The following LMBRD1 variants were observed in gnomAD, a reference collection of about 807,000 sequenced individuals.
The protein encoded by LMBRD1 is LMBR1 domain containing 1.
LMBRD1 carries 64 observed loss-of-function variants against 74.8 expected under a neutral mutation model. The ratio of observed to expected loss-of-function variants is 0.86; its 90% CI spans 0.70 to 1.05. The LOEUF is 1.05. LMBRD1 is among the 50% of genes least tolerant of loss of function. The probability of loss-of-function intolerance (pLI) is 0.00; values close to 1 mark genes in which losing one functional copy is unlikely to be tolerated. For missense variants in LMBRD1, 652 were observed against 645.9 expected (o/e 1.01, Z -0.10); for synonymous variants, 204 against 216.3 (o/e 0.94, Z 0.50).
At chr6:69,689,718 T>A (rs1765837476) in intron 14 of LMBRD1, among the ~76,000 whole-genome samples, 1 of 152,078 alleles carries the variant, frequency 6.6e-6, no homozygotes, top group Non-Finnish European at 1.5e-5. Context: ...TTTATCAGAG[T>A]AATATTATAT....
chr6:69,716,600 T>C (rs1460990935), intron 8 of LMBRD1, among the ~76,000 whole-genome samples: 2 of 152,180 alleles, frequency 1.3e-5, no homozygotes, highest in Non-Finnish European at 2.9e-5. Context: ...GATTTTGAAC[T>C]GAGATAGTCT....
At position 69,749,388 on chromosome 6, in the gene LMBRD1, C is replaced by A; in HGVS notation, c.426G>T (p.Lys142Asn). ...SKCTQIKTAL[K>N]YTLGFVVICA... ...AAATCACAACAAATCCCAAAGTATA[C>A]TTGAGTGCCGTTTTAATTTGCTAGA... is the stretch of plus-strand genomic sequence containing the variant. The change falls in exon 5 of 16, where the codon AAG becomes AAT. Residue 142 changes from lysine to asparagine, a missense_variant. This residue lies in a region of LMBRD1 where 598 missense variants were observed against 581.8 expected (regional missense o/e 1.03). Coordinates refer to ENST00000649934, the MANE Select transcript of LMBRD1 (RefSeq NM_018368.4). 1 of 1,611,454 alleles carries A rather than the reference C, an allele frequency of 6.2e-7. No individual in the cohort carries two copies. Among genetic ancestry groups the A allele is most frequent in the Non-Finnish European group, 8.5e-7 (1 of 1,178,906 alleles).
chr6:69,727,814 T>A (rs1367590804), intron 7 of LMBRD1, among the ~76,000 whole-genome samples: 1 of 152,186 alleles, frequency 6.6e-6, no homozygotes, highest in East Asian at 1.9e-4. Context: ...CCTTTAACAT[T>A]TCCTTATAGG....
chr6:69,760,584 T>C (rs953844241), intron 3 of LMBRD1, among the ~76,000 whole-genome samples: 3 of 152,218 alleles, frequency 2.0e-5, no homozygotes, highest in South Asian at 4.1e-4. Flanking sequence ...TTTGCAAGAC[T>C]GCTGTGGTAG....
intron 7 of LMBRD1, among the ~76,000 whole-genome samples, chr6:69,730,239 C>G (rs916862944): frequency 6.6e-6 from 1 of 152,024 alleles, no homozygotes; most frequent in Admixed American, 6.6e-5. Context: ...TAGAAGGGCA[C>G]GTTTTCTTTA....
intron 7 of LMBRD1, among the ~76,000 whole-genome samples, chr6:69,731,137 A>G (rs1766846129): frequency 6.6e-6 from 1 of 152,202 alleles, no homozygotes; most frequent in East Asian, 1.9e-4. Context: ...CTAATGACTA[A>G]AAGAGTAGAG....
At chr6:69,718,122 T>C (rs1766531419) in intron 8 of LMBRD1, among the ~76,000 whole-genome samples, 1 of 112,462 alleles carries the variant, frequency 8.9e-6, no homozygotes, top group Non-Finnish European at 2.3e-5. Context: ...GGACTTGCTA[T>C]TTTTTTACCA....
At chr6:69,698,268 A>T (rs2149843032) in intron 13 of LMBRD1, among the ~76,000 whole-genome samples, 1 of 152,120 alleles carries the variant, frequency 6.6e-6, no homozygotes, top group East Asian at 1.9e-4. Flanking sequence ...TAGGTTCGTT[A>T]GATTTTTCTT....
chr6:69,682,086 C>T (rs960008490), intron 14 of LMBRD1, among the ~76,000 whole-genome samples: 4 of 151,218 alleles, frequency 2.6e-5, no homozygotes, highest in Admixed American at 1.3e-4. Context: ...AATACATACA[C>T]GTAAAAAGAT....
intron 13 of LMBRD1, among the ~76,000 whole-genome samples, chr6:69,698,615 G>C (rs547675359): frequency 1.3e-5 from 2 of 151,968 alleles, no homozygotes; most frequent in African/African-American, 4.8e-5. Flanking sequence ...CATGTTAAAA[G>C]AATGTATAGT....
At chr6:69,699,639 T>A (rs145720969) in intron 12 of LMBRD1, among the ~76,000 whole-genome samples, 3 of 151,832 alleles carry the variant, frequency 2.0e-5, no homozygotes, top group Non-Finnish European at 3.0e-5. Flanking sequence ...ACTCTGATAA[T>A]CTTACTAAAG....
intron 2 of LMBRD1, among the ~76,000 whole-genome samples, chr6:69,789,280 T>C (rs1766028867): frequency 2.0e-5 from 3 of 152,152 alleles, no homozygotes; most frequent in South Asian, 4.1e-4. Flanking sequence ...TCCCAGCACT[T>C]TGGGAGGCTG....
chr6:69,771,484 T>C (rs889029130), intron 3 of LMBRD1, among the ~76,000 whole-genome samples: 7 of 152,182 alleles, frequency 4.6e-5, no homozygotes, highest in African/African-American at 1.7e-4. Context: ...TTTAGCCACA[T>C]TCTCTTTGGC....
intron 7 of LMBRD1, among the ~76,000 whole-genome samples, chr6:69,737,578 ATAT>A (rs1188393861): frequency 2.7e-5 from 4 of 150,324 alleles, no homozygotes; most frequent in Non-Finnish European, 5.9e-5. Flanking sequence ...CTTATATTAT[ATAT>A]TATATGCTTA....
intron 7 of LMBRD1, among the ~76,000 whole-genome samples, chr6:69,734,648 G>A (rs979640014): frequency 2.6e-5 from 4 of 152,032 alleles, no homozygotes; most frequent in Non-Finnish European, 2.9e-5. Flanking sequence ...CGCCCACCTC[G>A]GTCTCCGAAA....
chr6:69,787,663 T>C (rs1212668049), intron 2 of LMBRD1, among the ~76,000 whole-genome samples: 1 of 152,044 alleles, frequency 6.6e-6, no homozygotes, highest in Non-Finnish European at 1.5e-5. Context: ...GAAGAATCGC[T>C]TGAACCCAGG....
At chr6:69,771,913 T>G (rs1317541704) in intron 3 of LMBRD1, among the ~76,000 whole-genome samples, 1 of 152,062 alleles carries the variant, frequency 6.6e-6, no homozygotes, top group Non-Finnish European at 1.5e-5. Flanking sequence ...AGATTCTAGA[T>G]AAATTTTGAA....
chr6:69,787,487 G>A (rs1289594140), intron 2 of LMBRD1, among the ~76,000 whole-genome samples: 33 of 152,218 alleles, frequency 2.2e-4, no homozygotes, highest in Admixed American at 1.8e-3. Context: ...GCTCATGGCT[G>A]TAATCCCAGC....
chr6:69,788,106 T>C (rs180771068), intron 2 of LMBRD1, among the ~76,000 whole-genome samples: 1 of 148,556 alleles, frequency 6.7e-6, no homozygotes, highest in African/African-American at 2.4e-5. Flanking sequence ...AGTTCATAAT[T>C]TCATGAAAAT....
Sources: allele counts gnomAD v4.1 joint callset (sites outside exome capture counted in the v4.1 genomes callset), GRCh38; gene constraint gnomAD v4.1.1; regional missense constraint gnomAD v4.1.1; transcripts MANE v1.5; gene names NCBI Gene and HGNC (gene_info 2026-07-23, HGNC 2026-07-21).